YAF2: variants seen among roughly 807,000 people sequenced by gnomAD.
YAF2 encodes YY1-associated factor 2.
YAF2 carries 7 observed loss-of-function variants against 20.1 expected under a neutral mutation model. The ratio of observed to expected loss-of-function variants is 0.35; its 90% CI spans 0.20 to 0.65. The LOEUF (loss-of-function observed/expected upper bound fraction) is 0.65. Among genes scored for constraint, YAF2 ranks in the 30% least tolerant of loss-of-function variants. The probability of loss-of-function intolerance (pLI) is 0.69; values close to 1 mark genes in which losing one functional copy is unlikely to be tolerated. For missense variants in YAF2, 151 were observed against 219.2 expected (o/e 0.69, Z 1.96); for synonymous variants, 74 against 76.0 (o/e 0.97, Z 0.14).
At chr12:42,215,927 AAAATAAATAAATAAATAAATAAAT>A (rs67295015) in intron 2 of YAF2, among the ~76,000 whole-genome samples, 30 of 144,734 alleles carry the variant, frequency 2.1e-4, no homozygotes, top group South Asian at 4.5e-4. Context: ...TCCAGCTCAA[AAAATAAATAAATAAATAAATAAAT>A]AAATAAATAA....
At chr12:42,164,028 A>T (rs2065857153) in intron 2 of YAF2, among the ~76,000 whole-genome samples, 1 of 152,232 alleles carries the variant, frequency 6.6e-6, no homozygotes, top group South Asian at 2.1e-4. Context: ...TCACAGATTT[A>T]TCACTCATGG....
At chr12:42,161,220 CACT>C in intron 3 of YAF2, 1 of 270,170 alleles carries the variant, frequency 3.7e-6, no homozygotes, top group Non-Finnish European at 7.0e-6. Context: ...CACTGACACA[CACT>C]AATAAGGGTA....
At chr12:42,180,483 G>A (rs970789702) in intron 2 of YAF2, among the ~76,000 whole-genome samples, 13 of 152,214 alleles carry the variant, frequency 8.5e-5, no homozygotes, top group Admixed American at 3.3e-4. Context: ...CAGCCACAAC[G>A]CTGACTGCAG....
chr12:42,237,919 T>G, intron 1 of YAF2, 195 bp from the exon 2 acceptor site: 1 of 460,844 alleles, frequency 2.2e-6, no homozygotes, highest in Non-Finnish European at 2.9e-6. Flanking sequence ...GCGGCCGCAG[T>G]CGCCGCCGCC....
intron 2 of YAF2, among the ~76,000 whole-genome samples, chr12:42,179,670 G>C (rs973083151): frequency 6.7e-6 from 1 of 149,616 alleles, no homozygotes; most frequent in Non-Finnish European, 1.5e-5. Flanking sequence ...GTGCCACCCA[G>C]CTACTTGGGA....
At position 42,161,597 on chromosome 12, in the gene YAF2, C is replaced by T. The variant is rs141578434; in HGVS notation, c.305+16G>A. The T allele has an allele frequency of 4.5e-6, 7 of 1,560,436 alleles. No homozygotes were observed. In the East Asian group the frequency reaches 1.4e-4, roughly 30 times the overall value. ...TTATTATTTCAAAAATGTCATAAAACACTCTTCACATTTACCTGGTTTTCT... is the reference window on the plus strand; with the variant it reads ...TTATTATTTCAAAAATGTCATAAAATACTCTTCACATTTACCTGGTTTTCT... On this transcript the variant is annotated intron_variant, in intron 3 of 3. Coordinates refer to ENST00000534854, the MANE Select transcript of YAF2 (RefSeq NM_005748.6).
intron 2 of YAF2, among the ~76,000 whole-genome samples, chr12:42,195,207 G>A (rs1243838306): frequency 1.3e-5 from 2 of 152,204 alleles, no homozygotes; most frequent in African/African-American, 2.4e-5. Flanking sequence ...CTCTGTAAAT[G>A]AGGAACAATA....
rs1243010611 is a variant in YAF2, at chr12:42,227,677, G to A, written c.152+9922C>T. Among the ~76,000 whole-genome samples the A allele has an allele frequency of 5.0e-3, 741 of 149,366 alleles. 7 individuals carry two copies. Among genetic ancestry groups the A allele is most frequent in the African/African-American group, 0.018 (707 of 40,270 alleles). On this transcript the variant is annotated intron_variant, in intron 2 of 3. Coordinates refer to ENST00000534854, the MANE Select transcript of YAF2 (RefSeq NM_005748.6). ...CGTCTGAGAAGTGAGGAGCCTCTCC[G>A]CCCGGCAGCCACCCCATCTGGGAAG...
intron 2 of YAF2, among the ~76,000 whole-genome samples, chr12:42,189,917 C>T (rs529091927): frequency 3.2e-4 from 49 of 152,286 alleles, no homozygotes; most frequent in Middle Eastern, 3.4e-3. Context: ...TATGTATTCA[C>T]TACAGCATAT....
At chr12:42,190,132 C>T (rs962362805) in intron 2 of YAF2, among the ~76,000 whole-genome samples, 2 of 152,144 alleles carry the variant, frequency 1.3e-5, no homozygotes, top group African/African-American at 4.8e-5. Flanking sequence ...TACTTGAAGC[C>T]AGGAGTTTGA....
chr12:42,176,391 G>C (rs914525518), intron 2 of YAF2, among the ~76,000 whole-genome samples: 1 of 151,996 alleles, frequency 6.6e-6, no homozygotes, highest in African/African-American at 2.4e-5. Flanking sequence ...AAAGTGCTGG[G>C]ATTACAGGGG....
intron 2 of YAF2, among the ~76,000 whole-genome samples, chr12:42,221,936 G>T (rs1400487576): frequency 1.3e-5 from 2 of 152,196 alleles, no homozygotes; most frequent in African/African-American, 4.8e-5. Flanking sequence ...ATAAAAACTT[G>T]TCTGGCTCAG....
intron 2 of YAF2, among the ~76,000 whole-genome samples, chr12:42,180,686 C>G (rs1000371485): frequency 2.0e-5 from 3 of 152,168 alleles, no homozygotes; most frequent in African/African-American, 4.8e-5. Context: ...AGGTGGCTCA[C>G]GCCTGTAATC....
chr12:42,182,892 A>G (rs1026440178), intron 2 of YAF2, among the ~76,000 whole-genome samples: 2 of 152,324 alleles, frequency 1.3e-5, no homozygotes, highest in African/African-American at 2.4e-5. Flanking sequence ...ACAAGAGCAC[A>G]TCTCATTTTA....
intron 2 of YAF2, among the ~76,000 whole-genome samples, chr12:42,220,936 T>G (rs749899716): frequency 6.6e-6 from 1 of 152,082 alleles, no homozygotes; most frequent in Non-Finnish European, 1.5e-5. Context: ...TACTGGTATT[T>G]CTCCTGAGAA....
chr12:42,198,035 A>G (rs1169121083), intron 2 of YAF2, among the ~76,000 whole-genome samples: 1 of 152,132 alleles, frequency 6.6e-6, no homozygotes, highest in Non-Finnish European at 1.5e-5. Context: ...AAAATCAGTT[A>G]ATTTGAAAAC....
intron 2 of YAF2, among the ~76,000 whole-genome samples, chr12:42,201,345 C>G (rs980913164): frequency 2.6e-5 from 4 of 152,186 alleles, no homozygotes; most frequent in Admixed American, 2.6e-4. Flanking sequence ...ATAGCTCGTA[C>G]GTTTTCAACT....
intron 2 of YAF2, among the ~76,000 whole-genome samples, chr12:42,178,541 G>A (rs879606280): frequency 1.3e-5 from 2 of 152,016 alleles, no homozygotes; most frequent in Non-Finnish European, 2.9e-5. Flanking sequence ...TACAGCCTAT[G>A]TAGACTATGA....
intron 2 of YAF2, among the ~76,000 whole-genome samples, chr12:42,167,271 T>G (rs1390262609): frequency 6.6e-6 from 1 of 152,172 alleles, no homozygotes; most frequent in Non-Finnish European, 1.5e-5. Context: ...CAAACCTGCA[T>G]GTTCTGCACA....
Sources: allele counts gnomAD v4.1 joint callset (sites outside exome capture counted in the v4.1 genomes callset), GRCh38; gene constraint gnomAD v4.1.1; transcripts MANE v1.5; gene names NCBI Gene and HGNC (gene_info 2026-07-23, HGNC 2026-07-21).